NISCH: variants seen among roughly 807,000 people sequenced by gnomAD.
NISCH encodes the protein nischarin, also known as I-1 receptor candidate protein.
In NISCH, 55 loss-of-function variants were observed where a neutral mutation model predicts 138.4. That is an observed-to-expected ratio of 0.40 (90% CI 0.32 to 0.50). The LOEUF is 0.50. Among genes scored for constraint, NISCH ranks in the 20% least tolerant of loss-of-function variants. The pLI is 0.71. For synonymous variants in NISCH, 860 were observed against 861.5 expected, an observed-to-expected ratio of 1.00 and a Z score of 0.03; for missense variants, 1,643 against 2,005.5, an observed-to-expected ratio of 0.82 and a Z score of 3.45.
chr3:52,489,696 G>T lies in NISCH; in HGVS notation c.3456+18G>T, dbSNP rs751350145. ...TTGCTGAGGTAGCGGCCCGGGTGTGGGTGCCAGCTATGGCACGGCCAGTCC... is the reference window on the plus strand; with the variant it reads ...TTGCTGAGGTAGCGGCCCGGGTGTGTGTGCCAGCTATGGCACGGCCAGTCC... On this transcript the variant is annotated intron_variant, in intron 17 of 20. Coordinates refer to ENST00000345716, the MANE Select transcript of NISCH (RefSeq NM_007184.4). The T allele has an allele frequency of 2.5e-6, 4 of 1,604,646 alleles. No homozygotes were observed. Among genetic ancestry groups the T allele is most frequent in the African/African-American group, 2.7e-5 (2 of 74,910 alleles).
In NISCH at chr3:52,492,117, G is replaced by T; in HGVS notation, c.4150G>T (p.Asp1384Tyr). 6.2e-7 allele frequency: 1 copy of T among 1,613,074 alleles called. No individual in the cohort carries two copies. Among genetic ancestry groups the T allele is most frequent in the Non-Finnish European group, 8.5e-7 (1 of 1,180,022 alleles). Residue 1384 changes from aspartate (D) to tyrosine (Y), a missense_variant, in exon 21 of 21, where the codon GAT becomes TAT. Physicochemically the swap from Asp to Tyr is radical, Grantham distance 160. Transcript: ENST00000345716. ...CACCAGCTCCGAGATCTTCCTCCTG[G>T]ATGAGGACTGTGTCCACTACCCACT... ...LLTSSEIFLL[D>Y]EDCVHYPLPE...
chr3:52,459,511 A>C (rs1304914462), intron 3 of NISCH, among the ~76,000 whole-genome samples: 1 of 152,068 alleles, frequency 6.6e-6, no homozygotes, highest in African/African-American at 2.4e-5. Context: ...TCGGCTCACT[A>C]CAACCTCCGC....
rs1559642612 is a variant in NISCH, at chr3:52,488,017, A to G, written c.2525A>G (p.Tyr842Cys). Reference protein sequence around the residue: ...QEFLRQLLTFYKVAGGCQERS... With the variant: ...QEFLRQLLTFCKVAGGCQERS... ...TTCCTGCGCCAGCTGCTCACCTTCTACAAGGTGGCTGGCGGCTGCCAGGAG... is the reference window on the plus strand; with the variant it reads ...TTCCTGCGCCAGCTGCTCACCTTCTGCAAGGTGGCTGGCGGCTGCCAGGAG... The change falls in exon 16 of 21, where the codon TAC (tyrosine) becomes TGC (cysteine). Residue 842 changes from tyrosine to cysteine, a missense_variant. Transcript: ENST00000345716. 1.2e-6 allele frequency: 2 copies of G among 1,612,332 alleles called. No homozygotes were observed. Among genetic ancestry groups the G allele is most frequent in the Non-Finnish European group, 8.5e-7 (1 of 1,179,806 alleles).
In NISCH at chr3:52,490,905, A is replaced by G. The variant is rs1381074677; in HGVS notation, c.3742+72A>G. On this transcript the variant is annotated intron_variant, in intron 19 of 20. Coordinates refer to ENST00000345716, the MANE Select transcript of NISCH (RefSeq NM_007184.4). Reference sequence around the variant, plus strand: ...TCACCAGTGGGCTTCCACCTTCCGTACGTGGGTGGGTTATCATAGACAGTT... The same window carrying G: ...TCACCAGTGGGCTTCCACCTTCCGTGCGTGGGTGGGTTATCATAGACAGTT... The G allele has an allele frequency of 1.9e-6, 3 of 1,584,062 alleles. No homozygotes were observed. In the African/African-American group the frequency reaches 4.0e-5, roughly 21 times the overall value.
chr3:52,487,412 T>TGAGGAG lies in NISCH; in HGVS notation c.1926_1931dup (p.Glu646_Glu647dup). On this transcript the variant is annotated inframe_insertion, in exon 16 of 21. Coordinates refer to ENST00000345716, the MANE Select transcript of NISCH (RefSeq NM_007184.4). The surrounding 1 kb of genome is among the most constrained non-coding windows in gnomAD (Gnocchi z 9.1). ...AGGGTGAACAGGGCGAGGAGGAGGA[T>TGAGGAG]GAGGAGGAGGAAGAAGAGGAGGACG... is the stretch of plus-strand genomic sequence containing the variant. 2 of 1,609,682 alleles carry TGAGGAG rather than the reference T, an allele frequency of 1.2e-6. No homozygotes were observed. The highest frequency in any genetic ancestry group is 1.7e-6 in the Non-Finnish European group (2 of 1,177,448).
Position 52,488,341 on chromosome 3 carries a change from C to G in NISCH, c.2849C>G (p.Thr950Ser), listed in dbSNP as rs1328159159. The change falls in exon 16 of 21, where the codon ACC (threonine) becomes AGC (serine). Residue 950 changes from threonine (T) to serine (S), a missense_variant. Transcript: ENST00000345716. ...SFKLSRVPLS[T>S]VLLDPTRSCT... ...AAGCTCAGCCGTGTGCCGCTCTCCA[C>G]CGTGCTGCTGGACCCCACACGCAGC... 1.2e-6 allele frequency: 2 copies of G among 1,613,366 alleles called. No individual in the cohort carries two copies. Among genetic ancestry groups the G allele is most frequent in the Non-Finnish European group, 1.7e-6 (2 of 1,180,012 alleles).
intron 3 of NISCH, among the ~76,000 whole-genome samples, 156 bp downstream of exon 3, chr3:52,459,000 G>A (rs1412529928): frequency 2.0e-5 from 3 of 152,164 alleles, no homozygotes; most frequent in African/African-American, 7.2e-5. Flanking sequence ...ATGCATTGTG[G>A]CCAGAAGCAT....
intron 1 of NISCH, among the ~76,000 whole-genome samples, chr3:52,457,616 T>G (rs1028803407): frequency 8.5e-5 from 13 of 152,216 alleles, no homozygotes; most frequent in African/African-American, 3.1e-4. Context: ...GCCCTAGTGC[T>G]TGGGCCATGG....
chr3:52,461,474 G>A (rs146555743), intron 3 of NISCH, among the ~76,000 whole-genome samples: 44 of 152,230 alleles, frequency 2.9e-4, no homozygotes, highest in East Asian at 9.6e-4. Flanking sequence ...ATACCCTTTC[G>A]TAAACATATT....
rs148500083 is a variant in NISCH, at chr3:52,473,974, A to T, written c.765+145A>T. 1,374 of 480,914 alleles carry T rather than the reference A, an allele frequency of 2.9e-3. 14 individuals carry two copies. The highest frequency in any genetic ancestry group is 0.023 in the African/African-American group (1,211 of 51,830). The allele number at this position is 480,914 out of a possible 1,614,324, so 29.8% of individuals were successfully genotyped here. On this transcript the variant is annotated intron_variant, in intron 7 of 20. Transcript: ENST00000345716. The stretch of plus-strand genomic sequence containing the variant: ...CCTTCTGTGGGGTAGGCAGACACTC[A>T]TGGGGGGCCTCCCAGCACTTGACAG...
chr3:52,487,156 C>T lies in NISCH; in HGVS notation c.1704-40C>T. 1 of 1,574,412 alleles carries T rather than the reference C, an allele frequency of 6.4e-7. No homozygotes were observed. The highest frequency in any genetic ancestry group is 8.6e-7 in the Non-Finnish European group (1 of 1,157,198). On this transcript the variant is annotated intron_variant, in intron 15 of 20. Coordinates refer to ENST00000345716, the MANE Select transcript of NISCH (RefSeq NM_007184.4). This position sits in a 1 kb window ranked among gnomAD's most constrained non-coding sequence, Gnocchi z 9.1. ...GTGGCAGGTGGGAGGTGGGAGGGGC[C>T]CCTCCCAGCATGCCACTGACCTGGC...
At chr3:52,466,599 C>T (rs1706787290) in intron 3 of NISCH, among the ~76,000 whole-genome samples, 2 of 151,066 alleles carry the variant, frequency 1.3e-5, no homozygotes, top group African/African-American at 4.9e-5. Flanking sequence ...ACAAGGATTC[C>T]AGCTCTTAGC....
Position 52,489,693 on chromosome 3 carries a change from G to A in NISCH, c.3456+15G>A, listed in dbSNP as rs1041768255. ...GCATTGCTGAGGTAGCGGCCCGGGT[G>A]TGGGTGCCAGCTATGGCACGGCCAG... On this transcript the variant is annotated intron_variant, in intron 17 of 20. Coordinates refer to ENST00000345716, the MANE Select transcript of NISCH (RefSeq NM_007184.4). The A allele has an allele frequency of 6.2e-6, 10 of 1,605,436 alleles. No homozygotes were observed. The highest frequency in any genetic ancestry group is 4.5e-5 in the East Asian group (2 of 44,850).
intron 3 of NISCH, among the ~76,000 whole-genome samples, chr3:52,463,706 T>C (rs1408183132): frequency 6.8e-6 from 1 of 147,080 alleles, no homozygotes; most frequent in Non-Finnish European, 1.5e-5. Context: ...ACTAATGTTA[T>C]TGAACCTCTT....
intron 4 of NISCH, chr3:52,471,577 G>T (rs1018520239): frequency 1.7e-6 from 1 of 572,584 alleles, no homozygotes. Context: ...TCCCTCAGTG[G>T]CTCCCCAGCC....
chr3:52,481,310 TAA>T, intron 13 of NISCH: 1 of 1,016,660 alleles, frequency 9.8e-7, no homozygotes, highest in Non-Finnish European at 1.2e-6. Context: ...GCATTCAAGT[TAA>T]GGCAAAAGGC....
At chr3:52,473,674 C>A in intron 6 of NISCH, 60 bp from the exon 7 acceptor site, 1 of 1,249,942 alleles carries the variant, frequency 8.0e-7, no homozygotes, top group Non-Finnish European at 1.2e-6. Context: ...ACACCTGCAT[C>A]TGGGGACTTC....
intron 10 of NISCH, 64 bp from the exon 11 acceptor site, chr3:52,478,385 G>T (rs1271484863): frequency 2.5e-6 from 4 of 1,609,718 alleles, no homozygotes; most frequent in African/African-American, 1.3e-5. Context: ...ACCATGAAAC[G>T]TGTTGGCGTG....
At chr3:52,456,762 A>G (rs1321859720) in intron 1 of NISCH, among the ~76,000 whole-genome samples, 1 of 152,218 alleles carries the variant, frequency 6.6e-6, no homozygotes, top group Non-Finnish European at 1.5e-5. Flanking sequence ...GCAACAGGCC[A>G]GCCTGGAGAA....
Sources: allele counts gnomAD v4.1 joint callset (sites outside exome capture counted in the v4.1 genomes callset), GRCh38; gene constraint gnomAD v4.1.1; non-coding constraint Gnocchi (gnomAD v3.1); transcripts MANE v1.5; gene names NCBI Gene and HGNC (gene_info 2026-07-23, HGNC 2026-07-21).